SEPTIN8: variants seen among roughly 807,000 people sequenced by gnomAD.
SEPTIN8 encodes septin-8.
Under a neutral mutation model 53.1 loss-of-function variants are expected in SEPTIN8, and 22 were observed. The ratio of observed to expected loss-of-function variants is 0.41; its 90% CI spans 0.30 to 0.59. The LOEUF is 0.59. Among genes scored for constraint, SEPTIN8 ranks in the 20% least tolerant of loss-of-function variants. The probability of loss-of-function intolerance (pLI) is 0.24; values close to 1 mark genes in which losing one functional copy is unlikely to be tolerated. For synonymous variants in SEPTIN8, 228 were observed against 248.4 expected (o/e 0.92, Z 0.77); for missense variants, 536 against 638.7 (o/e 0.84, Z 1.73).
intron 9 of SEPTIN8, chr5:132,753,176 TG>T: frequency 1.7e-6 from 1 of 580,734 alleles, no homozygotes. Context: ...GAGGTCAGGG[TG>T]GTCTGATAGA....
rs375253372 is a variant in SEPTIN8, at chr5:132,764,289, G to A, written c.282C>T (p.Asn94=). The A allele has an allele frequency of 4.2e-5, 67 of 1,614,174 alleles. 1 individual carries two copies. In the African/African-American group the frequency reaches 4.4e-4, roughly 11 times the overall value. ...RPQTYDLQES[N]VQLKLTIVDA... ...CCACAATGGTCAGCTTGAGCTGCACGTTGCTCTCCTGGAGGTCATAGGTCT... is the reference window on the plus strand; with the variant it reads ...CCACAATGGTCAGCTTGAGCTGCACATTGCTCTCCTGGAGGTCATAGGTCT... Residue 94 remains asparagine, a synonymous_variant, in exon 3 of 10, where the codon AAC becomes AAT. Transcript: ENST00000378719.
At chr5:132,768,548 A>G (rs1296636140) in intron 1 of SEPTIN8, among the ~76,000 whole-genome samples, 1 of 152,224 alleles carries the variant, frequency 6.6e-6, no homozygotes, top group Non-Finnish European at 1.5e-5. Context: ...ACAACCTAGG[A>G]GGAACCAGCA....
In SEPTIN8 at chr5:132,751,929, C is replaced by T. The variant is rs1045077329; in HGVS notation, c.*87G>A. On this transcript the variant is annotated 3_prime_UTR_variant, in exon 10 of 10. Coordinates refer to ENST00000378719, the MANE Select transcript of SEPTIN8 (RefSeq NM_001098811.2). ...GATCATTGATATAGGAAAAGTATGG[C>T]GTTTTCTGTTCTAACATTAAAAACC... The T allele has an allele frequency of 6.4e-6, 10 of 1,564,202 alleles. No individual in the cohort carries two copies. Among genetic ancestry groups the T allele is most frequent in the Non-Finnish European group, 6.9e-6 (8 of 1,152,274 alleles).
intron 9 of SEPTIN8, chr5:132,758,735 TG>T: frequency 6.2e-7 from 1 of 1,613,116 alleles, no homozygotes; most frequent in Admixed American, 1.7e-5. Context: ...CACCATGTTA[TG>T]GGAGAAGGGT....
At position 132,761,647 on chromosome 5, in the gene SEPTIN8, G is replaced by T; in HGVS notation, c.794-21C>A. The T allele has an allele frequency of 6.2e-7, 1 of 1,612,254 alleles. No individual in the cohort carries two copies. On this transcript the variant is annotated intron_variant, in intron 6 of 9. Transcript: ENST00000378719. This position sits in a 1 kb window ranked among gnomAD's most constrained non-coding sequence, Gnocchi z 5.8. ...CTCCACTGAAAGCAGAGGGCCGGTG[G>T]GGTATCAGGCAGGCATGCAGGCGGG...
upstream of SEPTIN8, among the ~76,000 whole-genome samples, chr5:132,779,120 A>G (rs1050803201): frequency 1.3e-5 from 2 of 152,248 alleles, no homozygotes; most frequent in African/African-American, 4.8e-5. Flanking sequence ...GCTCTGTAGG[A>G]GTAAACAGGA....
intron 1 of SEPTIN8, among the ~76,000 whole-genome samples, chr5:132,766,731 G>A (rs186893659): frequency 6.6e-6 from 1 of 152,298 alleles, no homozygotes; most frequent in East Asian, 1.9e-4. Flanking sequence ...GATAGGGCCA[G>A]TGGCAGCCCT....
chr5:132,769,358 C>G (rs1278270691), intron 1 of SEPTIN8, among the ~76,000 whole-genome samples: 2 of 152,182 alleles, frequency 1.3e-5, no homozygotes, highest in East Asian at 3.9e-4. Context: ...TCAACACACA[C>G]GCACTGGACA....
intron 1 of SEPTIN8, among the ~76,000 whole-genome samples, chr5:132,774,509 A>G (rs1432700552): frequency 6.6e-6 from 1 of 152,174 alleles, no homozygotes; most frequent in East Asian, 1.9e-4. Flanking sequence ...CCCTCCTCAG[A>G]GGGCTGCTCC....
Position 132,777,197 on chromosome 5 carries a change from G to A in SEPTIN8, c.-60C>T. On this transcript the variant is annotated 5_prime_UTR_variant, in exon 1 of 10. Transcript: ENST00000378719. This position sits in a 1 kb window ranked among gnomAD's most constrained non-coding sequence, Gnocchi z 4.1. ...AGCGCAGGGGCAGCGACAGGGACCA[G>A]CCGGCTGCGGGACGCGCTCCGCCCG... The A allele has an allele frequency of 8.6e-7, 1 of 1,161,696 alleles. No individual in the cohort carries two copies. The highest frequency in any genetic ancestry group is 4.7e-5 in the Admixed American group (1 of 21,292). The allele number at this position is 1,161,696 out of a possible 1,614,324, so 72.0% of individuals were successfully genotyped here. A position where few individuals can be genotyped will look rare whatever the true frequency, so the allele number is the denominator to read the frequency against.
At chr5:132,770,267 C>T (rs977550614) in intron 1 of SEPTIN8, among the ~76,000 whole-genome samples, 2 of 150,638 alleles carry the variant, frequency 1.3e-5, no homozygotes, top group African/African-American at 4.9e-5. Flanking sequence ...TAACCTCCGC[C>T]TCCTAGGTAC....
intron 9 of SEPTIN8, chr5:132,758,644 G>A: frequency 6.3e-7 from 1 of 1,592,242 alleles, no homozygotes. Context: ...GCCAGGCCCG[G>A]GGCAGCCTGG....
Position 132,761,501 on chromosome 5 carries a change from C to G in SEPTIN8, c.919G>C (p.Glu307Gln), listed in dbSNP as rs1755946431. Residue 307 changes from glutamate (E) to glutamine (Q), a missense_variant, in exon 7 of 10, where the codon GAG becomes CAG. This residue lies in a region of SEPTIN8 where 395 missense variants were observed against 451.8 expected (regional missense o/e 0.87). Coordinates refer to ENST00000378719, the MANE Select transcript of SEPTIN8 (RefSeq NM_001098811.2). This position sits in a 1 kb window ranked among gnomAD's most constrained non-coding sequence, Gnocchi z 5.8. ...YELYRRCKLE[E>Q]MGFQDSDGDS... Reference sequence around the variant, plus strand: ...CCATCGCTGTCCTGAAAGCCCATCTCCTCCAACTTGCAGCGCCGGTAGAGC... The same window carrying G: ...CCATCGCTGTCCTGAAAGCCCATCTGCTCCAACTTGCAGCGCCGGTAGAGC... 3 of 1,613,484 alleles carry G rather than the reference C, an allele frequency of 1.9e-6. No homozygotes were observed. In the South Asian group the frequency reaches 3.3e-5, roughly 18 times the overall value.
At chr5:132,756,647 A>T in intron 9 of SEPTIN8, 6 of 985,458 alleles carry the variant, frequency 6.1e-6, no homozygotes, top group Non-Finnish European at 6.0e-6. Context: ...ACAGCAGGGG[A>T]GAGGTGCAGT....
At chr5:132,753,074 G>T in intron 9 of SEPTIN8, 2 of 939,236 alleles carry the variant, frequency 2.1e-6, no homozygotes, top group South Asian at 2.9e-5. Context: ...AAAAGGGAAG[G>T]TGGCTCTGGA....
chr5:132,765,742 T>C lies in SEPTIN8; in HGVS notation c.31-213A>G, dbSNP rs1174555372. Among the ~76,000 whole-genome samples the C allele has an allele frequency of 3.3e-5, 5 of 152,346 alleles. No homozygotes were observed. The East Asian group carries it at 7.7e-4, about 24-fold the overall frequency. ...CCGATGCCCCCAGGGGGAAAGGCCC[T>C]TCCACTCTGTAGCTTTGCTCCACCT... is the stretch of plus-strand genomic sequence containing the variant. On this transcript the variant is annotated intron_variant, in intron 1 of 9. Coordinates refer to ENST00000378719, the MANE Select transcript of SEPTIN8 (RefSeq NM_001098811.2).
intron 1 of SEPTIN8, among the ~76,000 whole-genome samples, chr5:132,768,165 C>T (rs766758236): frequency 9.9e-5 from 15 of 152,122 alleles, no homozygotes; most frequent in South Asian, 2.1e-4. Flanking sequence ...CACAGCTTGG[C>T]TCTCTCTGTG....
chr5:132,758,248 C>A, intron 9 of SEPTIN8: 1 of 1,277,234 alleles, frequency 7.8e-7, no homozygotes, highest in South Asian at 2.8e-5. Context: ...ATCAGGGAAT[C>A]TGTGTTACTT....
At chr5:132,765,069 G>A (rs780090893) in intron 2 of SEPTIN8, among the ~76,000 whole-genome samples, 19 of 151,972 alleles carry the variant, frequency 1.3e-4, no homozygotes, top group Non-Finnish European at 2.1e-4. Flanking sequence ...TTACCATAAC[G>A]TCCTTGACAC....
Sources: allele counts gnomAD v4.1 joint callset (sites outside exome capture counted in the v4.1 genomes callset), GRCh38; gene constraint gnomAD v4.1.1; regional missense constraint gnomAD v4.1.1; non-coding constraint Gnocchi (gnomAD v3.1); transcripts MANE v1.5; gene names NCBI Gene and HGNC (gene_info 2026-07-23, HGNC 2026-07-21).